MSRA: variants seen among roughly 807,000 people sequenced by gnomAD.
The protein encoded by MSRA is methionine sulfoxide reductase A.
MSRA carries 54 observed loss-of-function variants against 31.3 expected under a neutral mutation model. The observed-to-expected ratio is 1.73, with a 90% CI of 1.39 to 2.17. The LOEUF (loss-of-function observed/expected upper bound fraction) is 2.17, where lower values mean the gene tolerates loss of function less well. Among genes scored for constraint, MSRA ranks in the 30% most tolerant of loss-of-function variants. The pLI is 0.00. For synonymous variants in MSRA, 169 were observed against 116.5 expected, an observed-to-expected ratio of 1.45 and a Z score of -2.90; for missense variants, 507 against 300.9, an observed-to-expected ratio of 1.69 and a Z score of -5.07.
chr8:10,242,778 C>G (rs777504940), intron 2 of MSRA, among the ~76,000 whole-genome samples: 1 of 152,134 alleles, frequency 6.6e-6, no homozygotes. Context: ...GAATGTTTAG[C>G]TTAAACCTGC....
intron 5 of MSRA, chr8:10,336,810 T>C (rs762954641): frequency 1.2e-4 from 18 of 152,206 alleles, no homozygotes; most frequent in African/African-American, 1.7e-4. Context: ...ATTGAGGCAA[T>C]TGAACGCTCT....
At position 10,244,576 on chromosome 8, in the gene MSRA, G is replaced by A. The variant is rs115281564; in HGVS notation, c.212-528G>A. Among the ~76,000 whole-genome samples, 1,508 of 152,222 alleles carry A rather than the reference G, an allele frequency of 9.9e-3. 28 individuals carry two copies. The highest frequency in any genetic ancestry group is 0.034 in the African/African-American group (1,411 of 41,520). Reference sequence around the variant, plus strand: ...TTGGGTAAGCAGTGATTTATCACATGCAAGTTTATAGTGATTAAAAAAATG... The same window carrying A: ...TTGGGTAAGCAGTGATTTATCACATACAAGTTTATAGTGATTAAAAAAATG... On this transcript the variant is annotated intron_variant, in intron 2 of 5. Coordinates refer to ENST00000317173, the MANE Select transcript of MSRA (RefSeq NM_012331.5).
intron 2 of MSRA, among the ~76,000 whole-genome samples, chr8:10,228,624 T>C (rs1811201254): frequency 6.6e-6 from 1 of 152,162 alleles, no homozygotes; most frequent in Non-Finnish European, 1.5e-5. Flanking sequence ...TGACGTTGTT[T>C]CCAGGGAGGT....
chr8:10,106,063 T>C (rs564308431), intron 1 of MSRA, among the ~76,000 whole-genome samples: 1 of 152,352 alleles, frequency 6.6e-6, no homozygotes, highest in East Asian at 1.9e-4. Flanking sequence ...CCTCCTTGGT[T>C]GTTCAAACAT....
rs148895260 is a variant in MSRA at position 10,342,362 on chromosome 8, G to T, written c.543+22373G>T. On this transcript the variant is annotated intron_variant, in intron 5 of 5. Transcript: ENST00000317173. ...ACACACATTCATTCCATCAGCCATC[G>T]AGTGTTGATGTCATCACACTCCGTG... 7.9e-5 allele frequency among the ~76,000 whole-genome samples: 12 copies of T among 152,250 alleles called. No individual in the cohort carries two copies. The South Asian group carries it at 2.5e-3, about 32-fold the overall frequency.
chr8:10,342,996 G>A (rs1803527604), intron 5 of MSRA, among the ~76,000 whole-genome samples: 1 of 149,574 alleles, frequency 6.7e-6, no homozygotes, highest in African/African-American at 2.5e-5. Flanking sequence ...CGTGTGGAAA[G>A]GAACTGGCAT....
Position 10,301,642 on chromosome 8 carries a change from G to T in MSRA, c.436+4G>T, listed in dbSNP as rs375497311. The T allele has an allele frequency of 2.2e-5, 35 of 1,602,534 alleles. No individual in the cohort carries two copies. The highest frequency in any genetic ancestry group is 2.8e-5 in the Non-Finnish European group (33 of 1,170,766). On this transcript the variant is annotated splice_donor_region_variant and intron_variant, in intron 4 of 5. Coordinates refer to ENST00000317173, the MANE Select transcript of MSRA (RefSeq NM_012331.5). The stretch of plus-strand genomic sequence containing the variant: ...GAGAATCACGACCCGACCCAAGGTA[G>T]AGTGATGAGTGAGCCAGTATTTAAT...
Position 10,185,875 on chromosome 8 carries a change from G to C in MSRA, c.143-21958G>C, listed in dbSNP as rs1250080290. 2.0e-5 allele frequency among the ~76,000 whole-genome samples: 3 copies of C among 150,642 alleles called. No individual in the cohort carries two copies. In the East Asian group the frequency reaches 5.8e-4, roughly 29 times the overall value. ...TATGATTCTCACAACAGCTCCATAA[G>C]ATAGGGGTAATTTCCATTCATTTTT... On this transcript the variant is annotated intron_variant, in intron 1 of 5. Transcript: ENST00000317173.
At chr8:10,060,238 A>C (rs1338203263) in intron 1 of MSRA, among the ~76,000 whole-genome samples, 2 of 152,244 alleles carry the variant, frequency 1.3e-5, no homozygotes, top group African/African-American at 2.4e-5. Flanking sequence ...GGCTAGTTAC[A>C]TAAATTACAG....
chr8:10,366,033 A>G (rs548422213), intron 5 of MSRA, among the ~76,000 whole-genome samples: 2 of 152,304 alleles, frequency 1.3e-5, no homozygotes, highest in South Asian at 2.1e-4. Context: ...CAGGACAGAT[A>G]GGCAGGAAGT....
At chr8:10,243,993 G>C (rs375181794) in intron 2 of MSRA, among the ~76,000 whole-genome samples, 1 of 151,876 alleles carries the variant, frequency 6.6e-6, no homozygotes, top group African/African-American at 2.4e-5. Flanking sequence ...TTACTTTTTG[G>C]GTTTTGTTGC....
rs1585633027 is a variant in MSRA at position 10,380,876 on chromosome 8, T to G, written c.544-47272T>G. 3.2e-5 allele frequency among the ~76,000 whole-genome samples: 4 copies of G among 123,236 alleles called. No individual in the cohort carries two copies. In the South Asian group the frequency reaches 7.7e-4, roughly 24 times the overall value. The allele number at this position is 123,236 out of a possible 152,430, so 80.8% of individuals were successfully genotyped here. On this transcript the variant is annotated intron_variant, in intron 5 of 5. Transcript: ENST00000317173. ...CTGGCTGGCTGGATGGCTGGATGGG[T>G]GGGTGGGTAGATGGATGGATGGAAG...
At chr8:10,257,356 A>G (rs1245455363) in intron 3 of MSRA, among the ~76,000 whole-genome samples, 1 of 152,176 alleles carries the variant, frequency 6.6e-6, no homozygotes, top group East Asian at 1.9e-4. Flanking sequence ...TGCATTGGAC[A>G]CTGACAGCCC....
At chr8:10,381,221 C>G (rs1806050194) in intron 5 of MSRA, among the ~76,000 whole-genome samples, 1 of 152,118 alleles carries the variant, frequency 6.6e-6, no homozygotes, top group Non-Finnish European at 1.5e-5. Flanking sequence ...TTCCCACCAC[C>G]CACTCTCCCA....
chr8:10,253,918 G>A (rs1026566565), intron 3 of MSRA, among the ~76,000 whole-genome samples: 3 of 152,120 alleles, frequency 2.0e-5, no homozygotes, highest in African/African-American at 7.2e-5. Flanking sequence ...TCTGCCAAGT[G>A]AAAATTGCAA....
chr8:10,087,454 G>A (rs1183150879), intron 1 of MSRA, among the ~76,000 whole-genome samples: 1 of 152,224 alleles, frequency 6.6e-6, no homozygotes, highest in Non-Finnish European at 1.5e-5. Context: ...GGAGAGAATT[G>A]TTCGAGTGAA....
chr8:10,176,861 T>A (rs954878528), intron 1 of MSRA, among the ~76,000 whole-genome samples: 1 of 152,212 alleles, frequency 6.6e-6, no homozygotes, highest in African/African-American at 2.4e-5. Flanking sequence ...GTTGTGTTTT[T>A]GAGTTATTTT....
intron 1 of MSRA, among the ~76,000 whole-genome samples, chr8:10,062,474 C>G (rs1797252397): frequency 6.6e-6 from 1 of 152,214 alleles, no homozygotes; most frequent in Non-Finnish European, 1.5e-5. Context: ...CAGGAATTGA[C>G]TTACTCTTTG....
At chr8:10,097,925 G>A (rs1799285539) in intron 1 of MSRA, among the ~76,000 whole-genome samples, 1 of 152,108 alleles carries the variant, frequency 6.6e-6, no homozygotes, top group African/African-American at 2.4e-5. Flanking sequence ...CTTACCAATA[G>A]AAATTCTCTC....
Sources: gnomAD v4.1 joint callset for allele counts (sites outside exome capture counted in the v4.1 genomes callset) on GRCh38, gnomAD v4.1.1 for gene constraint, MANE v1.5 for transcripts, NCBI Gene and HGNC (gene_info 2026-07-23, HGNC 2026-07-21) for gene names.